CHST11: variants seen among roughly 807,000 people sequenced by gnomAD.
The protein encoded by CHST11 is carbohydrate sulfotransferase 11, also known as C4S-1.
A neutral mutation model predicts 30.4 loss-of-function variants in CHST11; 9 were observed. The ratio of observed to expected loss-of-function variants is 0.30; its 90% CI spans 0.18 to 0.52. CHST11 has a LOEUF of 0.52. Ranked by LOEUF, CHST11 falls within the 20% of genes least tolerant of loss-of-function variation. The pLI is 0.97. For synonymous variants in CHST11, 152 were observed against 187.8 expected, an observed-to-expected ratio of 0.81 and a Z score of 1.56; for missense variants, 348 against 460.6, an observed-to-expected ratio of 0.76 and a Z score of 2.24.
intron 1 of CHST11, among the ~76,000 whole-genome samples, chr12:104,590,501 G>A (rs1203144927): frequency 1.3e-5 from 2 of 152,182 alleles, no homozygotes; most frequent in Admixed American, 6.5e-5. Flanking sequence ...TAGGAACCGA[G>A]GATATTGTGA....
intron 1 of CHST11, among the ~76,000 whole-genome samples, chr12:104,459,376 G>C (rs1018285456): frequency 3.9e-5 from 6 of 152,144 alleles, no homozygotes; most frequent in Non-Finnish European, 5.9e-5. Flanking sequence ...TTTAAACAAG[G>C]GGCCGGTGAT....
intron 1 of CHST11, among the ~76,000 whole-genome samples, chr12:104,576,219 G>A (rs939622269): frequency 1.3e-5 from 2 of 152,082 alleles, no homozygotes; most frequent in African/African-American, 4.8e-5. Context: ...ACTAAGTACT[G>A]TGTTTATTCC....
chr12:104,475,930 G>A (rs1369709754), intron 1 of CHST11, among the ~76,000 whole-genome samples: 4 of 141,576 alleles, frequency 2.8e-5, no homozygotes, highest in Admixed American at 1.5e-4. Context: ...TTTTAGAAGC[G>A]GGTCCCTTAT....
intron 1 of CHST11, among the ~76,000 whole-genome samples, chr12:104,592,508 A>G (rs1305391671): frequency 6.6e-6 from 1 of 151,948 alleles, no homozygotes; most frequent in African/African-American, 2.4e-5. Context: ...AGAGGGCTCT[A>G]CCCCCATGAC....
rs763674135 is a variant in CHST11, at chr12:104,458,825, C to T, written c.118+1296C>T. 2.0e-5 allele frequency among the ~76,000 whole-genome samples: 3 copies of T among 152,246 alleles called. No individual in the cohort carries two copies. Among genetic ancestry groups the T allele is most frequent in the East Asian group, 3.8e-4 (2 of 5,204 alleles). The stretch of plus-strand genomic sequence containing the variant: ...GTTTTTCATTTTTGCCTCCCGCCTT[C>T]TCCTTTCACTGTGTATCTAACACTT... On this transcript the variant is annotated intron_variant, in intron 1 of 2. Transcript: ENST00000303694. This position sits in a 1 kb window ranked among gnomAD's most constrained non-coding sequence, Gnocchi z 5.7.
chr12:104,632,890 A>G (rs1190395355), intron 2 of CHST11, among the ~76,000 whole-genome samples: 1 of 152,226 alleles, frequency 6.6e-6, no homozygotes, highest in Admixed American at 6.5e-5. Flanking sequence ...AAGCTGGGAA[A>G]TGTGGGCAGC....
intron 1 of CHST11, among the ~76,000 whole-genome samples, chr12:104,508,127 G>T (rs2037924751): frequency 6.6e-6 from 1 of 152,190 alleles, no homozygotes; most frequent in African/African-American, 2.4e-5. Flanking sequence ...ACTTCTTGTA[G>T]TTCCCTCCAT....
chr12:104,536,832 G>A (rs879388), intron 1 of CHST11, among the ~76,000 whole-genome samples: 10,526 of 152,222 alleles, frequency 0.069, 857 homozygotes, highest in East Asian at 0.44. Flanking sequence ...TCCCTGTCCA[G>A]TTCATCTTTC....
intron 2 of CHST11, among the ~76,000 whole-genome samples, chr12:104,708,322 C>G (rs888352675): frequency 6.6e-6 from 1 of 152,220 alleles, no homozygotes; most frequent in Non-Finnish European, 1.5e-5. Context: ...AGTCATGCCT[C>G]CTTCCCGGGG....
At chr12:104,725,542 C>T (rs2040210652) in intron 2 of CHST11, among the ~76,000 whole-genome samples, 3 of 150,380 alleles carry the variant, frequency 2.0e-5, no homozygotes, top group Admixed American at 2.0e-4. Context: ...TAATTCTGAG[C>T]CTGCCTCCCC....
intron 1 of CHST11, among the ~76,000 whole-genome samples, chr12:104,575,752 T>G (rs1423626869): frequency 6.6e-6 from 1 of 152,066 alleles, no homozygotes; most frequent in African/African-American, 2.4e-5. Flanking sequence ...GAGGCTGTTC[T>G]GCAGGCAACA....
At chr12:104,516,076 G>A (rs1375190166) in intron 1 of CHST11, among the ~76,000 whole-genome samples, 2 of 152,248 alleles carry the variant, frequency 1.3e-5, no homozygotes, top group African/African-American at 2.4e-5. Flanking sequence ...GCAGATAAGA[G>A]TTGAAGCTCA....
At chr12:104,549,007 A>G (rs543341108) in intron 1 of CHST11, among the ~76,000 whole-genome samples, 1 of 152,332 alleles carries the variant, frequency 6.6e-6, no homozygotes, top group African/African-American at 2.4e-5. Context: ...CTGGTCCTTC[A>G]TATAGAATGG....
intron 2 of CHST11, among the ~76,000 whole-genome samples, chr12:104,630,542 C>T (rs182179610): frequency 4.6e-5 from 7 of 152,242 alleles, no homozygotes; most frequent in South Asian, 2.1e-4. Context: ...GCCAGGCTGA[C>T]GGGGAAAGAA....
At chr12:104,500,841 C>T (rs1231077693) in intron 1 of CHST11, among the ~76,000 whole-genome samples, 1 of 152,152 alleles carries the variant, frequency 6.6e-6, no homozygotes, top group Non-Finnish European at 1.5e-5. Context: ...TGGAAATGAA[C>T]TATTGCGGTA....
At chr12:104,672,144 A>C (rs1334145755) in intron 2 of CHST11, among the ~76,000 whole-genome samples, 1 of 152,178 alleles carries the variant, frequency 6.6e-6, no homozygotes, top group Non-Finnish European at 1.5e-5. Context: ...GACAATGAAA[A>C]TGCCCAGGAA....
At chr12:104,747,814 G>A (rs1405487137) in intron 2 of CHST11, among the ~76,000 whole-genome samples, 1 of 152,060 alleles carries the variant, frequency 6.6e-6, no homozygotes, top group African/African-American at 2.4e-5. Flanking sequence ...TGCCCACCCC[G>A]AGACAGTCAA....
At chr12:104,670,469 A>ACC (rs34340804) in intron 2 of CHST11, among the ~76,000 whole-genome samples, 110,935 of 148,510 alleles carry the variant, frequency 0.75, 41,063 homozygotes, top group Admixed American at 0.79. Context: ...ATATGTTCAG[A>ACC]CCCACACACA....
At chr12:104,545,122 G>C (rs1342829111) in intron 1 of CHST11, among the ~76,000 whole-genome samples, 1 of 152,102 alleles carries the variant, frequency 6.6e-6, no homozygotes, top group Non-Finnish European at 1.5e-5. Flanking sequence ...AGAGTAAAAG[G>C]GAGACAAAGA....
Sources: allele counts gnomAD v4.1 joint callset (sites outside exome capture counted in the v4.1 genomes callset), GRCh38; gene constraint gnomAD v4.1.1; non-coding constraint Gnocchi (gnomAD v3.1); transcripts MANE v1.5; gene names NCBI Gene and HGNC (gene_info 2026-07-23, HGNC 2026-07-21).